ST3GAL6: variants seen among roughly 807,000 people sequenced by gnomAD.
ST3GAL6 encodes ST3 beta-galactoside alpha-2,3-sialyltransferase 6.
In ST3GAL6, 31 loss-of-function variants were observed where a neutral mutation model predicts 40.5. The observed-to-expected ratio is 0.77, with a 90% CI of 0.58 to 1.03. The LOEUF is 1.03. Among genes scored for constraint, ST3GAL6 ranks in the 50% least tolerant of loss-of-function variants. ST3GAL6 has a pLI of 0.00. For missense variants in ST3GAL6, 357 were observed against 393.2 expected (o/e 0.91, Z 0.78); for synonymous variants, 129 against 136.9 (o/e 0.94, Z 0.40).
Position 98,793,677 on chromosome 3 carries a change from C to T in ST3GAL6, c.912C>T (p.Asn304=), listed in dbSNP as rs758651724. 1.8e-5 allele frequency: 28 copies of T among 1,571,008 alleles called. No homozygotes were observed. The highest frequency in any genetic ancestry group is 1.1e-4 in the Admixed American group (6 of 52,476). Residue 304 remains asparagine, a splice_region_variant and synonymous_variant, in exon 10 of 10, where the codon AAC becomes AAT. Transcript: ENST00000483910. ...GNATMSLMNK[N]AYHNVTAEQL... is the part of the protein sequence containing the mutation. ...GTAATTGTATTTTTCTTCTTTAGAA[C>T]GCGTATCACAATGTGACTGCAGAGC...
upstream of ST3GAL6, among the ~76,000 whole-genome samples, chr3:98,762,020 T>C (rs945749080): frequency 2.0e-5 from 3 of 152,244 alleles, no homozygotes; most frequent in Non-Finnish European, 4.4e-5. Flanking sequence ...GATCTGGTCA[T>C]CTGCTTTGGC....
At chr3:98,743,411 A>G (rs1936284761) in intron 1 of ST3GAL6, among the ~76,000 whole-genome samples, 1 of 151,944 alleles carries the variant, frequency 6.6e-6, no homozygotes, top group Non-Finnish European at 1.5e-5. Flanking sequence ...TGAACAGACA[A>G]CTCAAGTGTC....
At chr3:98,751,225 A>C (rs1014647220) in intron 1 of ST3GAL6, among the ~76,000 whole-genome samples, 1 of 152,064 alleles carries the variant, frequency 6.6e-6, no homozygotes, top group African/African-American at 2.4e-5. Flanking sequence ...AATAATCTTA[A>C]AGGACCCTTC....
At chr3:98,734,119 C>A (rs1430160249) in intron 1 of ST3GAL6, among the ~76,000 whole-genome samples, 1 of 152,090 alleles carries the variant, frequency 6.6e-6, no homozygotes. Context: ...TAGGCTAGCC[C>A]GAATGTTTGA....
intron 1 of ST3GAL6, among the ~76,000 whole-genome samples, chr3:98,736,518 G>C (rs1298108114): frequency 6.6e-6 from 1 of 152,176 alleles, no homozygotes; most frequent in Non-Finnish European, 1.5e-5. Flanking sequence ...GTGGAAGCAG[G>C]CCTGGAGTTG....
At chr3:98,771,757 A>C (rs958108773) in intron 3 of ST3GAL6, among the ~76,000 whole-genome samples, 1 of 152,166 alleles carries the variant, frequency 6.6e-6, no homozygotes, top group African/African-American at 2.4e-5. Flanking sequence ...ATATGATTCC[A>C]AGTTTGCTAT....
intron 1 of ST3GAL6, among the ~76,000 whole-genome samples, chr3:98,744,700 C>T (rs1936403868): frequency 1.3e-5 from 2 of 152,054 alleles, no homozygotes; most frequent in South Asian, 4.1e-4. Flanking sequence ...GGGGCCACAC[C>T]TCTGGTGTCC....
intron 5 of ST3GAL6, among the ~76,000 whole-genome samples, chr3:98,775,199 G>A (rs935891295): frequency 5.3e-5 from 8 of 152,112 alleles, no homozygotes; most frequent in African/African-American, 1.2e-4. Flanking sequence ...AAAGGTGGCC[G>A]GGTGCTGTGG....
chr3:98,747,977 G>T (rs1936695849), intron 1 of ST3GAL6, among the ~76,000 whole-genome samples: 1 of 152,100 alleles, frequency 6.6e-6, no homozygotes, highest in African/African-American at 2.4e-5. Context: ...GAGCTCATGG[G>T]CATTTATTAA....
At chr3:98,762,321 CAA>C (rs544175765), upstream of ST3GAL6, among the ~76,000 whole-genome samples, 96 of 152,230 alleles carry the variant, frequency 6.3e-4, no homozygotes, top group African/African-American at 2.1e-3. Context: ...CTACACAACT[CAA>C]TATTTTTGGA....
At chr3:98,793,572 C>T (rs867208123) in intron 9 of ST3GAL6, 103 bp from the exon 10 acceptor site, 69 of 640,862 alleles carry the variant, frequency 1.1e-4, no homozygotes, top group African/African-American at 5.5e-4. Flanking sequence ...ACTTAACATT[C>T]GAGTTCTTTA....
At chr3:98,738,240 C>A (rs2107263414) in intron 1 of ST3GAL6, among the ~76,000 whole-genome samples, 1 of 152,052 alleles carries the variant, frequency 6.6e-6, no homozygotes, top group African/African-American at 2.4e-5. Context: ...AATTAAACCT[C>A]TTTGCTTTTT....
intron 1 of ST3GAL6, among the ~76,000 whole-genome samples, chr3:98,734,761 A>G (rs944729753): frequency 2.6e-5 from 4 of 152,196 alleles, no homozygotes; most frequent in Admixed American, 2.6e-4. Context: ...CATACCATTT[A>G]AAAACATTAG....
At chr3:98,751,072 C>T (rs1198653955) in intron 1 of ST3GAL6, among the ~76,000 whole-genome samples, 7 of 149,662 alleles carry the variant, frequency 4.7e-5, no homozygotes, top group East Asian at 2.0e-4. Context: ...GATGGAGTCT[C>T]GCTCTGTTGC....
chr3:98,760,745 A>C (rs1331003857), upstream of ST3GAL6, among the ~76,000 whole-genome samples: 1 of 152,230 alleles, frequency 6.6e-6, no homozygotes, highest in Non-Finnish European at 1.5e-5. Context: ...CCACCCAAGA[A>C]GTTGCACTTG....
rs756476051 is a variant in ST3GAL6 at position 98,793,770 on chromosome 3, A to T, written c.*9A>T. The stretch of plus-strand genomic sequence containing the variant: ...ACTTGACTCAAGATTGACTCTACAG[A>T]CTCAGAAGATGATGCTAACAGTGTT... On this transcript the variant is annotated 3_prime_UTR_variant, in exon 10 of 10. Transcript: ENST00000483910. The T allele has an allele frequency of 9.7e-6, 15 of 1,549,406 alleles. No homozygotes were observed. The highest frequency in any genetic ancestry group is 1.3e-5 in the Non-Finnish European group (15 of 1,139,178).
intron 6 of ST3GAL6, among the ~76,000 whole-genome samples, chr3:98,787,710 T>G (rs1940857316): frequency 6.6e-6 from 1 of 152,248 alleles, no homozygotes; most frequent in South Asian, 2.1e-4. Flanking sequence ...CCAAGTTCTC[T>G]TTCAACTCTG....
intron 8 of ST3GAL6, among the ~76,000 whole-genome samples, chr3:98,789,285 A>G (rs1186134474): frequency 3.3e-5 from 5 of 152,218 alleles, no homozygotes; most frequent in Non-Finnish European, 7.3e-5. Flanking sequence ...TATGCTGAAA[A>G]CAAATGTTAG....
chr3:98,782,727 T>C, intron 5 of ST3GAL6: 1 of 479,266 alleles, frequency 2.1e-6, no homozygotes, highest in Middle Eastern at 4.1e-4. Context: ...GCCAATGGCG[T>C]GTCCATAGAT....
Sources: allele counts gnomAD v4.1 joint callset (sites outside exome capture counted in the v4.1 genomes callset), GRCh38; gene constraint gnomAD v4.1.1; transcripts MANE v1.5; gene names NCBI Gene and HGNC (gene_info 2026-07-23, HGNC 2026-07-21).